Variants in CFAP61 observed in about 807,000 individuals in gnomAD.
The protein encoded by CFAP61 is cilia and flagella associated protein 61.
CFAP61 carries 107 observed loss-of-function variants against 135.6 expected under a neutral mutation model. The observed-to-expected ratio is 0.79, with a 90% CI of 0.67 to 0.93. CFAP61 has a LOEUF of 0.93. Ranked by LOEUF, CFAP61 falls within the 40% of genes least tolerant of loss-of-function variation. The pLI is 0.00. For synonymous variants in CFAP61, 575 were observed against 578.5 expected (o/e 0.99, Z 0.09); for missense variants, 1,507 against 1,556.2 (o/e 0.97, Z 0.53).
intron 1 of CFAP61, among the ~76,000 whole-genome samples, chr20:20,055,048 A>T (rs1258576421): frequency 1.3e-5 from 2 of 152,112 alleles, no homozygotes; most frequent in Non-Finnish European, 2.9e-5. Flanking sequence ...TAATTTGTTC[A>T]TAAGTATCTT....
At chr20:20,212,069 G>A (rs562623779) in intron 17 of CFAP61, among the ~76,000 whole-genome samples, 1 of 152,324 alleles carries the variant, frequency 6.6e-6, no homozygotes. Context: ...CTTTTGATTT[G>A]TTTGCAGACA....
chr20:20,330,732 C>A (rs920274968), intron 25 of CFAP61, among the ~76,000 whole-genome samples: 1 of 152,186 alleles, frequency 6.6e-6, no homozygotes, highest in Non-Finnish European at 1.5e-5. Flanking sequence ...CGGTGGGCCT[C>A]TGTTTTCCTA....
chr20:20,265,547 A>G, intron 21 of CFAP61: 1 of 774,682 alleles, frequency 1.3e-6, no homozygotes, highest in Non-Finnish European at 2.4e-6. Context: ...GCATAAAGCC[A>G]TTTGGAGTGC....
At chr20:20,230,802 C>G (rs1422622368) in intron 18 of CFAP61, among the ~76,000 whole-genome samples, 1 of 152,118 alleles carries the variant, frequency 6.6e-6, no homozygotes. Context: ...GTGACCTGCC[C>G]GCCTTGGCCT....
chr20:20,304,246 AGAC>A (rs1399247421), intron 25 of CFAP61, among the ~76,000 whole-genome samples: 4 of 150,840 alleles, frequency 2.7e-5, no homozygotes, highest in South Asian at 2.1e-4. Context: ...CTGAAGAGAG[AGAC>A]AGAACTAATC....
intron 7 of CFAP61, among the ~76,000 whole-genome samples, chr20:20,091,259 G>A (rs1408047199): frequency 1.3e-5 from 2 of 152,182 alleles, no homozygotes; most frequent in East Asian, 1.9e-4. Flanking sequence ...GGGTGCGTAG[G>A]GGGATTTCTG....
intron 18 of CFAP61, among the ~76,000 whole-genome samples, chr20:20,231,744 T>A (rs949049530): frequency 2.0e-5 from 3 of 152,154 alleles, no homozygotes; most frequent in South Asian, 2.1e-4. Flanking sequence ...GCTAGGGCTG[T>A]GGGGTGGTGC....
At chr20:20,282,426 A>G (rs1270541292) in intron 22 of CFAP61, among the ~76,000 whole-genome samples, 1 of 152,176 alleles carries the variant, frequency 6.6e-6, no homozygotes, top group Non-Finnish European at 1.5e-5. Context: ...GCATTTCAGC[A>G]TAAGTTTTCC....
intron 8 of CFAP61, among the ~76,000 whole-genome samples, chr20:20,122,005 G>A (rs2049683445): frequency 6.6e-6 from 1 of 151,542 alleles, no homozygotes; most frequent in South Asian, 2.1e-4. Context: ...GGCTACATGA[G>A]TAAGTTCTTT....
chr20:20,172,213 A>G, intron 13 of CFAP61: 5 of 965,688 alleles, frequency 5.2e-6, no homozygotes, highest in Non-Finnish European at 6.2e-6. Flanking sequence ...GGATTTCAGT[A>G]ACCTTATATG....
At chr20:20,086,877 T>C (rs1233811306) in intron 6 of CFAP61, among the ~76,000 whole-genome samples, 1 of 151,896 alleles carries the variant, frequency 6.6e-6, no homozygotes, top group Non-Finnish European at 1.5e-5. Flanking sequence ...GGAAGGGAAG[T>C]TGGGAGAGAA....
chr20:20,223,044 T>G (rs1003694171), intron 17 of CFAP61, among the ~76,000 whole-genome samples: 8 of 152,246 alleles, frequency 5.3e-5, no homozygotes, highest in Non-Finnish European at 2.9e-5. Flanking sequence ...TTGGAAGCTT[T>G]CTGTAAGAAA....
At chr20:20,182,838 T>C (rs916562607) in intron 13 of CFAP61, among the ~76,000 whole-genome samples, 4 of 152,250 alleles carry the variant, frequency 2.6e-5, no homozygotes, top group Non-Finnish European at 5.9e-5. Flanking sequence ...AACCACATAC[T>C]GTGAAAATGC....
At position 20,280,825 on chromosome 20, in the gene CFAP61, C is replaced by T. The variant is rs1480430011; in HGVS notation, c.2796+3367C>T. ...TCTCCAAAGTAGCTATACCATTTTA[C>T]ATTTCCATCAGCAATGTATGAGAGT... On this transcript the variant is annotated intron_variant, in intron 22 of 26. Coordinates refer to ENST00000245957, the MANE Select transcript of CFAP61 (RefSeq NM_015585.4). Among the ~76,000 whole-genome samples the T allele has an allele frequency of 2.0e-5, 3 of 152,208 alleles. No individual in the cohort carries two copies. The East Asian group carries it at 5.8e-4, about 29-fold the overall frequency.
chr20:20,350,266 G>A (rs2122429713), intron 26 of CFAP61, among the ~76,000 whole-genome samples: 1 of 152,326 alleles, frequency 6.6e-6, no homozygotes, highest in African/African-American at 2.4e-5. Flanking sequence ...AAAATGTTTT[G>A]ATGGTTCCTC....
intron 26 of CFAP61, among the ~76,000 whole-genome samples, chr20:20,344,138 G>A (rs374459648): frequency 6.6e-6 from 1 of 152,254 alleles, no homozygotes; most frequent in South Asian, 2.1e-4. Context: ...GATGCATAGA[G>A]TGGTGTCTGC....
chr20:20,265,734 G>C (rs537509057), intron 21 of CFAP61: 1 of 472,538 alleles, frequency 2.1e-6, no homozygotes, highest in South Asian at 3.3e-5. Context: ...AGGGAAACCT[G>C]ACCTGGCCAA....
At chr20:20,238,698 G>A (rs1209580669) in intron 18 of CFAP61, among the ~76,000 whole-genome samples, 3 of 152,160 alleles carry the variant, frequency 2.0e-5, no homozygotes, top group Non-Finnish European at 2.9e-5. Flanking sequence ...CACAATAAAT[G>A]GGCAATGTGA....
intron 21 of CFAP61, among the ~76,000 whole-genome samples, chr20:20,275,623 G>A (rs1449440315): frequency 6.6e-6 from 1 of 152,188 alleles, no homozygotes; most frequent in Non-Finnish European, 1.5e-5. Flanking sequence ...GCTGCTAACA[G>A]CCATCATGAA....
Sources: gnomAD v4.1 joint callset for allele counts (sites outside exome capture counted in the v4.1 genomes callset) on GRCh38, gnomAD v4.1.1 for gene constraint, MANE v1.5 for transcripts, NCBI Gene and HGNC (gene_info 2026-07-23, HGNC 2026-07-21) for gene names.